The following CNTNAP3B variants were observed in gnomAD, a reference collection of about 807,000 sequenced individuals.
The protein encoded by CNTNAP3B is contactin associated protein family member 3B, also known as contactin-associated protein-like 3B.
CNTNAP3B carries 25 observed loss-of-function variants against 108.9 expected under a neutral mutation model. The ratio of observed to expected loss-of-function variants is 0.23; its 90% confidence interval spans 0.17 to 0.32. CNTNAP3B has a LOEUF of 0.32. Among genes scored for constraint, CNTNAP3B ranks in the 10% least tolerant of loss-of-function variants. The pLI, the probability that CNTNAP3B is intolerant of heterozygous loss-of-function variation, is 1.00. For synonymous variants in CNTNAP3B, 103 were observed against 473.4 expected (o/e 0.22, Z 10.16); for missense variants, 252 against 1,210.4 (o/e 0.21, Z 11.75).
At chr9:41,951,872 T>A (rs1587137286) in intron 13 of CNTNAP3B, among the ~76,000 whole-genome samples, 1 of 151,826 alleles carries the variant, frequency 6.6e-6, no homozygotes, top group African/African-American at 2.4e-5. Context: ...AGGTCAGGAG[T>A]TCAAGAACAG....
At position 41,929,366 on chromosome 9, in the gene CNTNAP3B, T is replaced by C. The variant is rs764344318; in HGVS notation, c.2316A>G (p.Pro772=). The change falls in exon 15 of 24, where the codon CCA becomes CCG. Residue 772 remains proline, a synonymous_variant. Coordinates refer to ENST00000377561, the MANE Select transcript of CNTNAP3B (RefSeq NM_001201380.3). ...TQIVMTDTGQ[P]HSEADYTLGP... is the part of the protein sequence containing the mutation. ...CCAGTGTATAATCTGCTTCGGAATG[T>C]GGTTGGCCTGTGTCTGTCATCACAA... 41 of 1,544,466 alleles carry C rather than the reference T, an allele frequency of 2.7e-5. 10 individuals carry two copies. The highest frequency in any genetic ancestry group is 3.2e-5 in the Non-Finnish European group (37 of 1,139,662).
In CNTNAP3B at chr9:41,950,263, G is replaced by C. The variant is rs1310777464; in HGVS notation, c.2080+2920C>G. Among the ~76,000 whole-genome samples, 3 of 67,922 alleles carry C rather than the reference G, an allele frequency of 4.4e-5. No homozygotes were observed. In the South Asian group the frequency reaches 1.3e-3, roughly 30 times the overall value. The allele number at this position is 67,922 out of a possible 152,430, so 44.6% of individuals were successfully genotyped here. On this transcript the variant is annotated intron_variant, in intron 13 of 23. Coordinates refer to ENST00000377561, the MANE Select transcript of CNTNAP3B (RefSeq NM_001201380.3). ...AACACCAAATGCGGATGAGCATGTG[G>C]AGGAAATGAAATCATACACTGTTGG...
At chr9:41,931,271 A>C (rs1236895432) in intron 14 of CNTNAP3B, among the ~76,000 whole-genome samples, 3 of 152,252 alleles carry the variant, frequency 2.0e-5, no homozygotes, top group African/African-American at 7.2e-5. Context: ...ATAATGATCA[A>C]ATCAGGGTAA....
At position 42,090,870 on chromosome 9, in the gene CNTNAP3B, C is replaced by G. The variant is rs1256130148; in HGVS notation, c.196+13759G>C. On this transcript the variant is annotated intron_variant, in intron 2 of 23. Coordinates refer to ENST00000377561, the MANE Select transcript of CNTNAP3B (RefSeq NM_001201380.3). Reference sequence around the variant, plus strand: ...ACACACACACACACACACACACATACATTCAGCTTCAGGAAAACTGGTGCC... The same window carrying G: ...ACACACACACACACACACACACATAGATTCAGCTTCAGGAAAACTGGTGCC... 2.5e-4 allele frequency among the ~76,000 whole-genome samples: 22 copies of G among 87,836 alleles called. No individual in the cohort carries two copies. In the South Asian group the frequency reaches 8.0e-3, roughly 32 times the overall value. The allele number at this position is 87,836 out of a possible 152,430, so 57.6% of individuals were successfully genotyped here. A position where few individuals can be genotyped will look rare whatever the true frequency, so the allele number is the denominator to read the frequency against.
At chr9:42,125,821 T>A (rs1367683301) in intron 1 of CNTNAP3B, among the ~76,000 whole-genome samples, 9 of 131,368 alleles carry the variant, frequency 6.9e-5, no homozygotes, top group African/African-American at 2.8e-4. Context: ...TTTCACCGTG[T>A]TGTCCAGGCT....
chr9:42,030,750 CAGAGAGAGAG>C lies in CNTNAP3B; in HGVS notation c.391-17235_391-17226del, dbSNP rs34457074. 3.1e-4 allele frequency among the ~76,000 whole-genome samples: 19 copies of C among 60,436 alleles called. 2 individuals are homozygous for C. The highest frequency in any genetic ancestry group is 1.3e-3 in the South Asian group (2 of 1,526). The allele number at this position is 60,436 out of a possible 152,430, so 39.6% of individuals were successfully genotyped here. A position where few individuals can be genotyped will look rare whatever the true frequency, so the allele number is the denominator to read the frequency against. ...CGGAGAAGGGAGTGAGAAAGAGATA[CAGAGAGAGAG>C]AGAGAGAGAGAGAGAGAGAGAGAGA... On this transcript the variant is annotated intron_variant, in intron 3 of 23. Coordinates refer to ENST00000377561, the MANE Select transcript of CNTNAP3B (RefSeq NM_001201380.3).
intron 1 of CNTNAP3B, among the ~76,000 whole-genome samples, chr9:42,116,820 T>C (rs1828329699): frequency 7.3e-6 from 1 of 136,936 alleles, no homozygotes; most frequent in African/African-American, 3.0e-5. Flanking sequence ...AATAAAGGTA[T>C]GGAGGAAGGT....
intron 1 of CNTNAP3B, among the ~76,000 whole-genome samples, chr9:42,119,927 T>G (rs1295563058): frequency 7.1e-6 from 1 of 140,114 alleles, no homozygotes; most frequent in African/African-American, 2.8e-5. Flanking sequence ...AAGGACTTCA[T>G]GTCTAAAACA....
At chr9:41,960,049 G>T (rs1378110781) in intron 12 of CNTNAP3B, 18 of 152,864 alleles carry the variant, frequency 1.2e-4, no homozygotes, top group Admixed American at 1.1e-3. Flanking sequence ...CCAGGCTGGA[G>T]TGCAATGGTG....
intron 9 of CNTNAP3B, among the ~76,000 whole-genome samples, chr9:41,971,002 A>C (rs1218068995): frequency 6.6e-6 from 1 of 151,330 alleles, no homozygotes; most frequent in Non-Finnish European, 1.5e-5. Context: ...TAGACATTTG[A>C]TTATTTCCAA....
intron 13 of CNTNAP3B, among the ~76,000 whole-genome samples, chr9:41,947,785 TGACA>T (rs1824568255): frequency 1.3e-5 from 2 of 152,200 alleles, no homozygotes; most frequent in African/African-American, 4.8e-5. Flanking sequence ...CTATAAAGAC[TGACA>T]GACAAAAAAA....
chr9:41,935,055 A>G (rs1267951408), intron 14 of CNTNAP3B, among the ~76,000 whole-genome samples: 2 of 152,214 alleles, frequency 1.3e-5, no homozygotes, highest in South Asian at 2.1e-4. Flanking sequence ...TAGAGAATAT[A>G]TTGGTCTATT....
At chr9:42,097,030 G>A in intron 2 of CNTNAP3B, among the ~76,000 whole-genome samples, 1 of 137,826 alleles carries the variant, frequency 7.3e-6, no homozygotes, top group Non-Finnish European at 1.5e-5. Flanking sequence ...GGGATTACAG[G>A]CGTGAACCAC....
intron 14 of CNTNAP3B, among the ~76,000 whole-genome samples, chr9:41,929,736 C>T (rs1183660038): frequency 7.6e-6 from 1 of 132,076 alleles, no homozygotes; most frequent in East Asian, 2.2e-4. Flanking sequence ...GGCTGGGTTG[C>T]AATAAAAATT....
At chr9:42,001,456 T>C (rs1163797057) in intron 4 of CNTNAP3B, among the ~76,000 whole-genome samples, 2 of 134,050 alleles carry the variant, frequency 1.5e-5, no homozygotes, top group Non-Finnish European at 1.6e-5. Flanking sequence ...ATGCAAATAT[T>C]CCCCTACAAT....
chr9:42,060,018 C>A (rs1333633835), intron 3 of CNTNAP3B, among the ~76,000 whole-genome samples: 6 of 151,326 alleles, frequency 4.0e-5, no homozygotes, highest in African/African-American at 1.5e-4. Context: ...TTTTTTTCTT[C>A]TTTTTCTTGT....
chr9:42,024,885 C>G (rs1160846137), intron 3 of CNTNAP3B, among the ~76,000 whole-genome samples: 4 of 144,444 alleles, frequency 2.8e-5, no homozygotes, highest in African/African-American at 1.0e-4. Flanking sequence ...GAATCCTTTG[C>G]GTCTTAATTT....
intron 1 of CNTNAP3B, among the ~76,000 whole-genome samples, chr9:42,113,918 A>G (rs1828255241): frequency 7.2e-6 from 1 of 138,546 alleles, no homozygotes. Flanking sequence ...ATCGATATAT[A>G]CACCTACTAT....
chr9:41,996,424 A>AGTACTAGACCTATTAATTT, intron 6 of CNTNAP3B, 76 bp from the exon 7 acceptor site: 1 of 1,009,716 alleles, frequency 9.9e-7, no homozygotes, highest in Non-Finnish European at 1.4e-6. Flanking sequence ...TTTATAAATT[A>AGTACTAGACCTATTAATTT]ATAGGTCTAG....
Sources: gnomAD v4.1 joint callset for allele counts (sites outside exome capture counted in the v4.1 genomes callset) on GRCh38, gnomAD v4.1.1 for gene constraint, MANE v1.5 for transcripts, NCBI Gene and HGNC (gene_info 2026-07-23, HGNC 2026-07-21) for gene names.